Variants in CSMD1 observed in about 807,000 individuals in gnomAD.
The protein encoded by CSMD1 is CUB and sushi domain-containing protein 1.
A neutral mutation model predicts 417.5 loss-of-function variants in CSMD1; 213 were observed. The ratio of observed to expected loss-of-function variants is 0.51; its 90% CI spans 0.46 to 0.57. CSMD1 has a LOEUF of 0.57. Ranked by LOEUF, CSMD1 falls within the 20% of genes least tolerant of loss-of-function variation. The pLI is 0.00. For synonymous variants in CSMD1, 2,862 were observed against 1,736.8 expected (o/e 1.65, Z -16.11); for missense variants, 6,923 against 4,529.7 (o/e 1.53, Z -15.17).
chr8:3,282,277 T>C (rs1802798126), intron 26 of CSMD1, among the ~76,000 whole-genome samples: 1 of 152,088 alleles, frequency 6.6e-6, no homozygotes, highest in Non-Finnish European at 1.5e-5. Context: ...TGTGGGGATG[T>C]TGACAGGGAG....
chr8:3,252,436 T>G (rs984608940), intron 26 of CSMD1, among the ~76,000 whole-genome samples: 9 of 152,118 alleles, frequency 5.9e-5, no homozygotes, highest in African/African-American at 2.2e-4. Flanking sequence ...TGGATAAGCT[T>G]TTTGATATAT....
At chr8:3,120,433 A>T (rs1817132938) in intron 41 of CSMD1, among the ~76,000 whole-genome samples, 1 of 152,176 alleles carries the variant, frequency 6.6e-6, no homozygotes, top group African/African-American at 2.4e-5. Context: ...TGCTGTTTGG[A>T]GTTTGTCTTC....
At chr8:3,697,967 C>T (rs573187111) in intron 7 of CSMD1, among the ~76,000 whole-genome samples, 2 of 152,274 alleles carry the variant, frequency 1.3e-5, no homozygotes, top group Admixed American at 6.5e-5. Context: ...AAGCATTTTA[C>T]TTCTATGGTT....
intron 28 of CSMD1, 149 bp downstream of exon 28, chr8:3,223,580 A>G (rs1323781860): frequency 4.3e-6 from 3 of 700,756 alleles, no homozygotes; most frequent in East Asian, 5.1e-5. Context: ...CATTTATGTC[A>G]TTTTGCAGCC....
At chr8:3,505,554 C>G (rs755604043) in intron 10 of CSMD1, among the ~76,000 whole-genome samples, 4 of 152,158 alleles carry the variant, frequency 2.6e-5, no homozygotes, top group Non-Finnish European at 5.9e-5. Context: ...AATACGTCAC[C>G]TCACAGAATT....
At chr8:3,295,877 A>G (rs73660635) in intron 25 of CSMD1, among the ~76,000 whole-genome samples, 5,883 of 152,200 alleles carry the variant, frequency 0.039, 381 homozygotes, top group African/African-American at 0.13. Flanking sequence ...ATTTAGTTCA[A>G]TAATTCAACA....
At chr8:3,901,231 C>T (rs1301222721) in intron 5 of CSMD1, among the ~76,000 whole-genome samples, 2 of 152,072 alleles carry the variant, frequency 1.3e-5, no homozygotes, top group Admixed American at 1.3e-4. Flanking sequence ...ATTTCAAATG[C>T]TTAGTAATGT....
At chr8:4,192,641 A>G (rs899230941) in intron 3 of CSMD1, among the ~76,000 whole-genome samples, 2 of 152,236 alleles carry the variant, frequency 1.3e-5, no homozygotes, top group Non-Finnish European at 2.9e-5. Context: ...ATATTTGCTC[A>G]GGGATCAGAG....
intron 7 of CSMD1, among the ~76,000 whole-genome samples, chr8:3,656,922 C>G (rs868847705): frequency 1.7e-4 from 16 of 96,090 alleles, no homozygotes; most frequent in African/African-American, 6.4e-4. Context: ...AAGACTCTGT[C>G]TAAAAAAAAA....
chr8:4,982,693 C>A (rs1162475932), intron 1 of CSMD1, among the ~76,000 whole-genome samples: 3 of 152,188 alleles, frequency 2.0e-5, no homozygotes, highest in Non-Finnish European at 4.4e-5. Context: ...AAAGACCTAT[C>A]ATTGTCCATC....
intron 21 of CSMD1, among the ~76,000 whole-genome samples, chr8:3,352,137 C>T (rs535748456): frequency 1.3e-5 from 2 of 152,236 alleles, no homozygotes; most frequent in South Asian, 2.1e-4. Flanking sequence ...CTCCAAAGGC[C>T]TACTGAGAAA....
intron 3 of CSMD1, among the ~76,000 whole-genome samples, chr8:4,274,811 A>C (rs1796381043): frequency 6.6e-6 from 1 of 152,136 alleles, no homozygotes; most frequent in African/African-American, 2.4e-5. Flanking sequence ...ACCCTCAACA[A>C]AATTTATGAC....
intron 2 of CSMD1, among the ~76,000 whole-genome samples, chr8:4,592,257 T>G (rs1213094762): frequency 4.0e-5 from 6 of 151,450 alleles, no homozygotes; most frequent in African/African-American, 9.7e-5. Context: ...GTAACTAAAG[T>G]GTCCAGGAGG....
chr8:4,820,566 G>C (rs536650226), intron 1 of CSMD1, among the ~76,000 whole-genome samples: 4 of 152,160 alleles, frequency 2.6e-5, no homozygotes, highest in African/African-American at 4.8e-5. Context: ...AAGAAAAAAA[G>C]TGAGCAAAGA....
chr8:4,345,767 C>A (rs1320665819), intron 3 of CSMD1, among the ~76,000 whole-genome samples: 1 of 152,046 alleles, frequency 6.6e-6, no homozygotes, highest in Non-Finnish European at 1.5e-5. Flanking sequence ...ATCATCTCAA[C>A]CCCGTTAAAA....
intron 50 of CSMD1, among the ~76,000 whole-genome samples, chr8:3,031,560 T>C (rs963685311): frequency 2.0e-5 from 3 of 152,140 alleles, no homozygotes; most frequent in African/African-American, 4.8e-5. Flanking sequence ...CTTTCTTTCT[T>C]TGTTGTTTCC....
intron 52 of CSMD1, among the ~76,000 whole-genome samples, chr8:3,006,348 C>T (rs1563229624): frequency 6.7e-6 from 1 of 148,636 alleles, no homozygotes; most frequent in Non-Finnish European, 1.5e-5. Flanking sequence ...CCATACTGCC[C>T]AAGGTAATTT....
At chr8:3,861,841 G>A (rs1804731441) in intron 5 of CSMD1, among the ~76,000 whole-genome samples, 2 of 152,274 alleles carry the variant, frequency 1.3e-5, no homozygotes. Context: ...TGAAGCCACT[G>A]GCTTTTAAAT....
In CSMD1 at chr8:3,808,848, C is replaced by G. The variant is rs149428047; in HGVS notation, c.819-54806G>C. Among the ~76,000 whole-genome samples the G allele has an allele frequency of 2.6e-3, 397 of 152,268 alleles. 1 individual carries two copies. Among genetic ancestry groups the G allele is most frequent in the African/African-American group, 7.8e-3 (324 of 41,552 alleles). Reference sequence around the variant, plus strand: ...AAGGCTATTTATTTCCAAAGGAAAGCGCAGCCCTTAGGTCTCAATGAGAAT... The same window carrying G: ...AAGGCTATTTATTTCCAAAGGAAAGGGCAGCCCTTAGGTCTCAATGAGAAT... On this transcript the variant is annotated intron_variant, in intron 5 of 69. Transcript: ENST00000635120.
Sources: allele counts gnomAD v4.1 joint callset (sites outside exome capture counted in the v4.1 genomes callset), GRCh38; gene constraint gnomAD v4.1.1; transcripts MANE v1.5; gene names NCBI Gene and HGNC (gene_info 2026-07-23, HGNC 2026-07-21).